LEMD1: variants seen among roughly 807,000 people sequenced by gnomAD.
LEMD1 encodes LEM domain containing 1, also known as LEM domain-containing protein 1.
A neutral mutation model predicts 17.4 loss-of-function variants in LEMD1; 18 were observed. That is an observed-to-expected ratio of 1.04 (90% confidence interval 0.72 to 1.54). LEMD1 has a LOEUF of 1.54. LEMD1 is among the 40% of genes most tolerant of loss of function. The probability of loss-of-function intolerance (pLI) is 0.00; values close to 1 mark genes in which losing one functional copy is unlikely to be tolerated. For synonymous variants in LEMD1, 88 were observed against 77.8 expected, an observed-to-expected ratio of 1.13 and a Z score of -0.69; for missense variants, 195 against 210.4, an observed-to-expected ratio of 0.93 and a Z score of 0.45.
At chr1:205,429,240 AG>A (rs1381470757) in intron 1 of LEMD1, among the ~76,000 whole-genome samples, 1 of 152,198 alleles carries the variant, frequency 6.6e-6, no homozygotes, top group Non-Finnish European at 1.5e-5. Context: ...GAGATGAAGG[AG>A]ATGCTGCAAC....
intron 1 of LEMD1, among the ~76,000 whole-genome samples, chr1:205,445,757 G>A (rs912416921): frequency 2.6e-5 from 4 of 152,330 alleles, no homozygotes; most frequent in South Asian, 4.1e-4. Context: ...AGTGGGCAAC[G>A]TGACAGGCAG....
chr1:205,405,652 C>T (rs995278746), intron 4 of LEMD1, among the ~76,000 whole-genome samples: 1 of 151,836 alleles, frequency 6.6e-6, no homozygotes, highest in Non-Finnish European at 1.5e-5. Context: ...TTTGAATTTC[C>T]TCCTGTAGCT....
upstream of LEMD1, among the ~76,000 whole-genome samples, chr1:205,424,194 A>C (rs934560208): frequency 3.3e-5 from 5 of 152,232 alleles, no homozygotes; most frequent in Admixed American, 6.5e-5. Context: ...AAAGATCAGC[A>C]GTTGTCAGTC....
At chr1:205,434,137 T>C (rs1189409525) in intron 1 of LEMD1, among the ~76,000 whole-genome samples, 1 of 152,130 alleles carries the variant, frequency 6.6e-6, no homozygotes, top group East Asian at 1.9e-4. Context: ...CCGTGTGTTC[T>C]GTGAATACAG....
At chr1:205,434,328 T>G (rs1466752950) in intron 1 of LEMD1, among the ~76,000 whole-genome samples, 1 of 112,782 alleles carries the variant, frequency 8.9e-6, no homozygotes, top group Non-Finnish European at 2.0e-5. Flanking sequence ...AATGCTACCA[T>G]GCCTGGCTAA....
At chr1:205,433,694 G>A (rs137866471) in intron 1 of LEMD1, among the ~76,000 whole-genome samples, 1 of 152,334 alleles carries the variant, frequency 6.6e-6, no homozygotes, top group Non-Finnish European at 1.5e-5. Flanking sequence ...GACTCCTGAA[G>A]ATGGAAAGGC....
At chr1:205,423,049 T>C (rs921829162), upstream of LEMD1, among the ~76,000 whole-genome samples, 1 of 152,232 alleles carries the variant, frequency 6.6e-6, no homozygotes, top group Non-Finnish European at 1.5e-5. Context: ...TCATGAGCCC[T>C]AGCCCCAGAG....
chr1:205,427,484 T>TGAGAGAGAGAGAGA (rs3973968), intron 1 of LEMD1, among the ~76,000 whole-genome samples: 3 of 147,248 alleles, frequency 2.0e-5, no homozygotes, highest in African/African-American at 7.5e-5. Flanking sequence ...AAAGAACATT[T>TGAGAGAGAGAGAGA]GAGAGAGAGA....
chr1:205,395,796 A>G (rs1226034268), intron 4 of LEMD1, among the ~76,000 whole-genome samples: 1 of 152,186 alleles, frequency 6.6e-6, no homozygotes, highest in East Asian at 1.9e-4. Context: ...AAAAAGAAAA[A>G]GGTAAACAAC....
chr1:205,449,709 A>G (rs1238580366), intron 1 of LEMD1, among the ~76,000 whole-genome samples: 1 of 151,634 alleles, frequency 6.6e-6, no homozygotes, highest in African/African-American at 2.4e-5. Flanking sequence ...CATCTGCCCC[A>G]GCCCCAACCC....
At chr1:205,406,199 C>T (rs1049174531) in intron 4 of LEMD1, among the ~76,000 whole-genome samples, 1 of 152,206 alleles carries the variant, frequency 6.6e-6, no homozygotes, top group Non-Finnish European at 1.5e-5. Flanking sequence ...CTCAGATCTC[C>T]AGCTGCGTAC....
chr1:205,442,239 G>A (rs756603664), intron 1 of LEMD1, among the ~76,000 whole-genome samples: 2 of 152,184 alleles, frequency 1.3e-5, no homozygotes, highest in Non-Finnish European at 2.9e-5. Context: ...AGTGCTGCGG[G>A]GAAGGAGGGA....
intron 1 of LEMD1, among the ~76,000 whole-genome samples, chr1:205,442,089 G>T (rs989356957): frequency 2.6e-5 from 4 of 152,320 alleles, no homozygotes; most frequent in African/African-American, 9.6e-5. Context: ...AAAGGGAGCA[G>T]AAGTGCACTC....
intron 1 of LEMD1, among the ~76,000 whole-genome samples, 168 bp downstream of exon 1, chr1:205,421,822 G>A (rs754850277): frequency 6.6e-6 from 1 of 152,076 alleles, no homozygotes; most frequent in African/African-American, 2.4e-5. Context: ...CAGATCCTAT[G>A]ACATTTGTTC....
chr1:205,392,983 CTAATAGT>C (rs1353142859), intron 4 of LEMD1, among the ~76,000 whole-genome samples: 1 of 152,272 alleles, frequency 6.6e-6, no homozygotes, highest in East Asian at 1.9e-4. Context: ...GTGGTACATG[CTAATAGT>C]CCCAGCTATT....
intron 4 of LEMD1, among the ~76,000 whole-genome samples, chr1:205,407,227 G>A (rs6698647): frequency 0.31 from 46,373 of 151,206 alleles, 7,462 homozygotes; most frequent in African/African-American, 0.38. Flanking sequence ...CTACTTGGGA[G>A]GCTGAGGCAG....
chr1:205,423,301 T>C (rs550995035), upstream of LEMD1, among the ~76,000 whole-genome samples: 1 of 152,330 alleles, frequency 6.6e-6, no homozygotes, highest in East Asian at 1.9e-4. Context: ...ATCCAAACAT[T>C]GCATTCACCA....
intron 1 of LEMD1, among the ~76,000 whole-genome samples, chr1:205,444,691 G>A (rs1287285571): frequency 1.3e-5 from 2 of 152,162 alleles, no homozygotes; most frequent in African/African-American, 4.8e-5. Flanking sequence ...TAGGTGTCTC[G>A]AATTTTGGCA....
upstream of LEMD1, among the ~76,000 whole-genome samples, chr1:205,423,136 C>T (rs1666005422): frequency 6.6e-6 from 1 of 152,180 alleles, no homozygotes; most frequent in East Asian, 1.9e-4. Flanking sequence ...AGTTTCAGTC[C>T]TTTCCAGATT....
Sources: gnomAD v4.1 joint callset for allele counts (sites outside exome capture counted in the v4.1 genomes callset) on GRCh38, gnomAD v4.1.1 for gene constraint, MANE v1.5 for transcripts, NCBI Gene and HGNC (gene_info 2026-07-23, HGNC 2026-07-21) for gene names.